NPLOC4: variants seen among roughly 807,000 people sequenced by gnomAD.
NPLOC4 encodes the protein NPL4 homolog, ubiquitin recognition factor.
A neutral mutation model predicts 80.6 loss-of-function variants in NPLOC4; 18 were observed. The ratio of observed to expected loss-of-function variants is 0.22; its 90% CI spans 0.15 to 0.33. The LOEUF (loss-of-function observed/expected upper bound fraction) is 0.33. NPLOC4 is among the 10% of genes least tolerant of loss of function. NPLOC4 has a pLI of 1.00. For missense variants in NPLOC4, 540 were observed against 786.1 expected (o/e 0.69, Z 3.74); for synonymous variants, 313 against 301.5 (o/e 1.04, Z -0.39).
chr17:81,593,199 T>C (rs2034797622), intron 11 of NPLOC4, among the ~76,000 whole-genome samples: 1 of 152,070 alleles, frequency 6.6e-6, no homozygotes, highest in African/African-American at 2.4e-5. Context: ...ACAGTTGTAA[T>C]GCACACTGAA....
intron 9 of NPLOC4, among the ~76,000 whole-genome samples, chr17:81,597,666 C>A (rs1191831088): frequency 6.6e-6 from 1 of 151,768 alleles, no homozygotes; most frequent in Non-Finnish European, 1.5e-5. Context: ...GCCTGTAATC[C>A]CAGCTACTCA....
chr17:81,575,303 G>A (rs79283578), intron 12 of NPLOC4, among the ~76,000 whole-genome samples: 12,657 of 152,136 alleles, frequency 0.083, 601 homozygotes, highest in Middle Eastern at 0.17. Flanking sequence ...GGGTTTCACC[G>A]TGTTAGCCAG....
chr17:81,584,197 A>C (rs1479781574), intron 12 of NPLOC4, among the ~76,000 whole-genome samples: 6 of 152,224 alleles, frequency 3.9e-5, no homozygotes, highest in Non-Finnish European at 7.3e-5. Flanking sequence ...GTTTGCTTTT[A>C]CAGTTCTCTT....
At chr17:81,608,520 G>A (rs570778256) in intron 6 of NPLOC4, among the ~76,000 whole-genome samples, 7 of 152,234 alleles carry the variant, frequency 4.6e-5, no homozygotes, top group African/African-American at 1.4e-4. Flanking sequence ...AGACCAGCCT[G>A]GGCAACATAG....
rs373904474 is a variant in NPLOC4 at position 81,559,292 on chromosome 17, G to C, written c.1794C>G (p.Gly598=). The C allele has an allele frequency of 6.2e-7, 1 of 1,605,644 alleles. No individual in the cohort carries two copies. Among genetic ancestry groups the C allele is most frequent in the Admixed American group, 1.7e-5 (1 of 58,668 alleles). ...TGGGGAGGCTGCACATCTCGCAGTG[G>C]CCTGTGCCTGGCTGGTTCATGAACG... ...HCTFMNQPGT[G]HCEMCSLPRT is the part of the protein sequence containing the mutation. Residue 598 remains glycine, a synonymous_variant, in exon 17 of 17, where the codon GGC becomes GGG. Transcript: ENST00000331134.
intron 11 of NPLOC4, among the ~76,000 whole-genome samples, chr17:81,595,507 C>T (rs1435482976): frequency 2.8e-5 from 4 of 145,180 alleles, no homozygotes; most frequent in Non-Finnish European, 4.5e-5. Context: ...CATCCTTGTC[C>T]ATATATACAT....
At chr17:81,597,760 G>T (rs1281278750) in intron 9 of NPLOC4, among the ~76,000 whole-genome samples, 9 of 130,894 alleles carry the variant, frequency 6.9e-5, no homozygotes, top group Admixed American at 8.3e-5. Context: ...TCCAGCCTGG[G>T]CAACAAGAAT....
intron 1 of NPLOC4, among the ~76,000 whole-genome samples, chr17:81,634,542 G>C (rs1267783859): frequency 6.6e-6 from 1 of 151,380 alleles, no homozygotes; most frequent in African/African-American, 2.4e-5. Context: ...GAAGGTTTCA[G>C]TGCTAATTCC....
rs555174254 is a variant in NPLOC4 at position 81,594,921 on chromosome 17, G to A, written c.1120+1195C>T. On this transcript the variant is annotated intron_variant, in intron 11 of 16. Transcript: ENST00000331134. ...TGCACCACTGTGCTCCAGCCTGGGT[G>A]ACAGAGCAAGAACATGTCTCAAAAC... Among the ~76,000 whole-genome samples the A allele has an allele frequency of 3.3e-5, 5 of 151,624 alleles. No individual in the cohort carries two copies. The East Asian group carries it at 9.7e-4, about 29-fold the overall frequency.
chr17:81,588,870 C>T, intron 12 of NPLOC4, 74 bp downstream of exon 12: 1 of 1,370,098 alleles, frequency 7.3e-7, no homozygotes, highest in Non-Finnish European at 1.0e-6. Context: ...CAGAATGCAC[C>T]CAAATTAGAA....
chr17:81,615,925 T>C (rs2056271171), intron 3 of NPLOC4, among the ~76,000 whole-genome samples: 1 of 152,224 alleles, frequency 6.6e-6, no homozygotes, highest in African/African-American at 2.4e-5. Flanking sequence ...TGATGCCATT[T>C]GGTTCAGAAA....
chr17:81,595,427 C>CA (rs35337296), intron 11 of NPLOC4, among the ~76,000 whole-genome samples: 2,677 of 71,736 alleles, frequency 0.037, 47 homozygotes, highest in Non-Finnish European at 0.06. Flanking sequence ...GTAAGACTGT[C>CA]AAAAAAAAAA....
At chr17:81,586,400 A>C (rs2034582231) in intron 12 of NPLOC4, among the ~76,000 whole-genome samples, 1 of 152,164 alleles carries the variant, frequency 6.6e-6, no homozygotes, top group African/African-American at 2.4e-5. Context: ...ACTTGAGTCC[A>C]GGAGTTCAAG....
Position 81,622,290 on chromosome 17 carries a change from C to T in NPLOC4, c.97-12G>A, listed in dbSNP as rs1598682664. 1.9e-6 allele frequency: 3 copies of T among 1,577,022 alleles called. No individual in the cohort carries two copies. The highest frequency in any genetic ancestry group is 2.2e-5 in the South Asian group (2 of 90,218). ...AACTCCTTTGCAACCTAAAACAAGG[C>T]CCAAAGAACAGAAATTTAATGAAAT... On this transcript the variant is annotated splice_polypyrimidine_tract_variant and intron_variant, in intron 2 of 16. Coordinates refer to ENST00000331134, the MANE Select transcript of NPLOC4 (RefSeq NM_017921.4).
intron 1 of NPLOC4, chr17:81,636,402 C>T (rs1048805582): frequency 6.5e-6 from 1 of 152,744 alleles, no homozygotes; most frequent in African/African-American, 2.4e-5. Flanking sequence ...TTTCCCAGGT[C>T]TTCTGGTGGG....
chr17:81,584,524 A>T (rs912754640), intron 12 of NPLOC4, among the ~76,000 whole-genome samples: 6 of 152,228 alleles, frequency 3.9e-5, no homozygotes, highest in Admixed American at 3.3e-4. Flanking sequence ...TTACAATTAA[A>T]AGCAAGACAA....
chr17:81,568,291 G>A (rs1006196576), intron 14 of NPLOC4, among the ~76,000 whole-genome samples: 4 of 152,164 alleles, frequency 2.6e-5, no homozygotes, highest in African/African-American at 9.7e-5. Context: ...ATGCAGCACG[G>A]ACATCTTCAG....
chr17:81,609,511 A>G (rs1002801343), intron 5 of NPLOC4, among the ~76,000 whole-genome samples: 1 of 152,038 alleles, frequency 6.6e-6, no homozygotes, highest in Non-Finnish European at 1.5e-5. Flanking sequence ...TATACAAAAA[A>G]AGAGTTGCCC....
chr17:81,584,332 A>G (rs1035956380), intron 12 of NPLOC4, among the ~76,000 whole-genome samples: 4 of 152,250 alleles, frequency 2.6e-5, no homozygotes, highest in African/African-American at 9.6e-5. Flanking sequence ...ACTCTATGAA[A>G]ACAACAGAAT....
Sources: gnomAD v4.1 joint callset for allele counts (sites outside exome capture counted in the v4.1 genomes callset) on GRCh38, gnomAD v4.1.1 for gene constraint, MANE v1.5 for transcripts, NCBI Gene and HGNC (gene_info 2026-07-23, HGNC 2026-07-21) for gene names.